The following IPO8 variants were observed in gnomAD, a reference collection of about 807,000 sequenced individuals.
The protein encoded by IPO8 is importin-8.
Under a neutral mutation model 141.2 loss-of-function variants are expected in IPO8, and 65 were observed. The ratio of observed to expected loss-of-function variants is 0.46; its 90% CI spans 0.38 to 0.57. The LOEUF is 0.57. Ranked by LOEUF, IPO8 falls within the 20% of genes least tolerant of loss-of-function variation. The probability of loss-of-function intolerance (pLI) is 0.00; values close to 1 mark genes in which losing one functional copy is unlikely to be tolerated. For synonymous variants in IPO8, 411 were observed against 420.3 expected (o/e 0.98, Z 0.27); for missense variants, 980 against 1,246.8 (o/e 0.79, Z 3.22).
intron 8 of IPO8, 85 bp downstream of exon 8, chr12:30,673,905 T>A: frequency 1.4e-6 from 1 of 726,370 alleles, no homozygotes. Context: ...TGAATTAGTA[T>A]GTTTGTAACC....
chr12:30,665,249 A>G lies in IPO8; in HGVS notation c.1399T>C (p.Leu467=). The change falls in exon 13 of 25, where the codon TTG becomes CTG. Residue 467 remains leucine (L), a synonymous_variant. Coordinates refer to ENST00000256079, the MANE Select transcript of IPO8 (RefSeq NM_006390.4). ...GCTCGAAGATATCCCAGGTTAGACAATAATAATGGAAATACATGATTTTGT... is the reference window on the plus strand; with the variant it reads ...GCTCGAAGATATCCCAGGTTAGACAGTAATAATGGAAATACATGATTTTGT... ...FLQNHVFPLL[L]SNLGYLRARS... is the part of the protein sequence containing the mutation. The G allele has an allele frequency of 4.4e-6, 7 of 1,596,326 alleles. No homozygotes were observed. Among genetic ancestry groups the G allele is most frequent in the Non-Finnish European group, 5.1e-6 (6 of 1,166,392 alleles).
At chr12:30,632,954 C>A (rs2052453549) in intron 23 of IPO8, among the ~76,000 whole-genome samples, 1 of 152,214 alleles carries the variant, frequency 6.6e-6, no homozygotes, top group Admixed American at 6.5e-5. Flanking sequence ...TTGCTTGTCA[C>A]TTGAGAAGCA....
intron 21 of IPO8, among the ~76,000 whole-genome samples, chr12:30,637,654 G>C (rs2052521073): frequency 6.6e-6 from 1 of 152,082 alleles, no homozygotes; most frequent in Admixed American, 6.6e-5. Context: ...CATCTAGTAA[G>C]ATAGTAAGCT....
At chr12:30,671,678 A>C (rs112635839) in intron 8 of IPO8, among the ~76,000 whole-genome samples, 1 of 133,048 alleles carries the variant, frequency 7.5e-6, no homozygotes, top group Non-Finnish European at 1.6e-5. Context: ...CTGCCTCAAA[A>C]AAAAAAAAAA....
At chr12:30,662,857 C>A (rs1435700074) in intron 14 of IPO8, among the ~76,000 whole-genome samples, 1 of 152,078 alleles carries the variant, frequency 6.6e-6, no homozygotes, top group African/African-American at 2.4e-5. Flanking sequence ...AAGACTATCC[C>A]GAATACTGAT....
intron 21 of IPO8, among the ~76,000 whole-genome samples, chr12:30,638,414 C>T (rs1306514549): frequency 6.6e-6 from 1 of 152,172 alleles, no homozygotes; most frequent in Non-Finnish European, 1.5e-5. Context: ...TTCCTAACGC[C>T]CCACCCTAAT....
chr12:30,692,077 T>A (rs1393821197), intron 1 of IPO8, among the ~76,000 whole-genome samples: 2 of 152,220 alleles, frequency 1.3e-5, no homozygotes, highest in East Asian at 3.8e-4. Context: ...CTTCTACATA[T>A]GTATTATAAC....
At chr12:30,634,727 A>G (rs2136123494) in intron 22 of IPO8, among the ~76,000 whole-genome samples, 1 of 152,314 alleles carries the variant, frequency 6.6e-6, no homozygotes, top group South Asian at 2.1e-4. Context: ...CTCTTAATTA[A>G]CTGAGTTGAT....
chr12:30,693,429 G>A (rs1029357124), intron 1 of IPO8, among the ~76,000 whole-genome samples: 1 of 152,212 alleles, frequency 6.6e-6, no homozygotes, highest in African/African-American at 2.4e-5. Flanking sequence ...TGCAGAAGCT[G>A]CTTATTTTTC....
chr12:30,683,541 A>G (rs1182695885), intron 3 of IPO8, among the ~76,000 whole-genome samples: 2 of 152,166 alleles, frequency 1.3e-5, no homozygotes, highest in South Asian at 4.1e-4. Flanking sequence ...TGTTTCTCCT[A>G]TTTTAAGATT....
At chr12:30,651,407 C>G (rs1029605753) in intron 19 of IPO8, among the ~76,000 whole-genome samples, 1 of 152,140 alleles carries the variant, frequency 6.6e-6, no homozygotes. Flanking sequence ...ATTTTGGGTA[C>G]ACCCCTTCTG....
Position 30,652,993 on chromosome 12 carries a change from T to A in IPO8, c.2048A>T (p.Gln683Leu). The A allele has an allele frequency of 6.2e-7, 1 of 1,611,316 alleles. No homozygotes were observed. Among genetic ancestry groups the A allele is most frequent in the South Asian group, 1.1e-5 (1 of 90,830 alleles). The part of the protein sequence containing the change: ...QLLGILYEVF[Q>L]QDCFEYFTDM... ...TGTAAAGTATTCAAAGCAATCCTGC[T>A]GAAACACTTCATATAGTATACCTAG... Residue 683 changes from glutamine to leucine, a missense_variant, in exon 18 of 25, where the codon CAG becomes CTG. This residue lies in a region of IPO8 where 924 missense variants were observed against 1,153.9 expected (regional missense o/e 0.80). Transcript: ENST00000256079.
chr12:30,654,761 T>G (rs1415473515), intron 17 of IPO8, among the ~76,000 whole-genome samples: 1 of 151,718 alleles, frequency 6.6e-6, no homozygotes, highest in Admixed American at 6.6e-5. Context: ...GGTGAGAGAG[T>G]AAAAACAGCC....
At chr12:30,684,151 A>G (rs566841435) in intron 3 of IPO8, 150 bp downstream of exon 3, 1 of 629,562 alleles carries the variant, frequency 1.6e-6, no homozygotes, top group African/African-American at 1.8e-5. Context: ...AAGACCACTA[A>G]GTAAAATAAT....
chr12:30,666,340 A>C (rs1429265432), intron 10 of IPO8, 89 bp from the exon 11 acceptor site: 7 of 896,996 alleles, frequency 7.8e-6, no homozygotes, highest in Non-Finnish European at 1.2e-5. Context: ...TTCCAAACCA[A>C]AAAAATAAAA....
At chr12:30,634,373 C>A in intron 22 of IPO8, 87 bp from the exon 23 acceptor site, 2 of 1,076,714 alleles carry the variant, frequency 1.9e-6, no homozygotes, top group Admixed American at 2.2e-5. Context: ...GACTATAAAA[C>A]TACACTCTGG....
intron 20 of IPO8, among the ~76,000 whole-genome samples, chr12:30,644,969 A>C (rs751792154): frequency 1.3e-5 from 2 of 152,156 alleles, no homozygotes; most frequent in Admixed American, 1.3e-4. Flanking sequence ...ATGAACTTTG[A>C]AAATGGCAAA....
rs1565490225 is a variant in IPO8 at position 30,629,885 on chromosome 12, ACC to A, written c.*973_*974del. ...AAAAAAATATTATAAAATGCTTTGG[ACC>A]CTAGTCCAACATAGCTGGAATGATA... On this transcript the variant is annotated 3_prime_UTR_variant, in exon 25 of 25. Transcript: ENST00000256079. The A allele has an allele frequency of 6.6e-6, 1 of 152,114 alleles. No homozygotes were observed. Among genetic ancestry groups the A allele is most frequent in the East Asian group, 1.9e-4 (1 of 5,186 alleles). The allele number at this position is 152,114 out of a possible 1,614,324, so 9.4% of individuals were successfully genotyped here.
At chr12:30,638,966 C>T (rs565224160) in intron 21 of IPO8, among the ~76,000 whole-genome samples, 6 of 152,082 alleles carry the variant, frequency 3.9e-5, no homozygotes, top group African/African-American at 1.2e-4. Context: ...CCACCGCGCC[C>T]GGCCTCACTC....
Sources: allele counts gnomAD v4.1 joint callset (sites outside exome capture counted in the v4.1 genomes callset), GRCh38; gene constraint gnomAD v4.1.1; regional missense constraint gnomAD v4.1.1; transcripts MANE v1.5; gene names NCBI Gene and HGNC (gene_info 2026-07-23, HGNC 2026-07-21).